The following ANK2 variants were observed in gnomAD, a reference collection of about 807,000 sequenced individuals.
ANK2 encodes ankyrin 2, also known as ankyrin-2.
In ANK2, 83 loss-of-function variants were observed where a neutral mutation model predicts 360.5. The ratio of observed to expected loss-of-function variants is 0.23; its 90% CI spans 0.19 to 0.28. The LOEUF is 0.28. Ranked by LOEUF, ANK2 falls within the 10% of genes least tolerant of loss-of-function variation. The pLI is 1.00. For synonymous variants in ANK2, 1,740 were observed against 1,759.5 expected, an observed-to-expected ratio of 0.99 and a Z score of 0.28; for missense variants, 4,201 against 4,795.7, an observed-to-expected ratio of 0.88 and a Z score of 3.66.
intron 2 of ANK2, among the ~76,000 whole-genome samples, chr4:112,988,466 C>T (rs2045676623): frequency 6.6e-6 from 1 of 152,024 alleles, no homozygotes; most frequent in Admixed American, 6.6e-5. Context: ...AAAGGATGAT[C>T]TGAAGAAATT....
At chr4:112,727,773 G>C in the ANK2 span, among the ~76,000 whole-genome samples, 1 of 152,152 alleles carries the variant, frequency 6.6e-6, no homozygotes, top group African/African-American at 2.4e-5. Flanking sequence ...GAGGTCGGGA[G>C]TTTGAGATCA....
chr4:112,809,570 T>A, the ANK2 span, among the ~76,000 whole-genome samples: 4 of 115,378 alleles, frequency 3.5e-5, no homozygotes, highest in Non-Finnish European at 5.1e-5. Context: ...AAAAAAAAAA[T>A]AAATCAATAA....
At chr4:113,219,467 A>G (rs1374318212) in intron 4 of ANK2, among the ~76,000 whole-genome samples, 2 of 152,010 alleles carry the variant, frequency 1.3e-5, no homozygotes, top group Non-Finnish European at 2.9e-5. Flanking sequence ...TAAACTTAAT[A>G]TTTCTATTGA....
chr4:113,239,548 G>C (rs144532896), intron 7 of ANK2, among the ~76,000 whole-genome samples: 141 of 152,154 alleles, frequency 9.3e-4, no homozygotes, highest in Admixed American at 2.4e-3. Flanking sequence ...GAAAATTCTG[G>C]AGAGTAAGAA....
chr4:113,175,251 A>G (rs1562624479), intron 2 of ANK2, among the ~76,000 whole-genome samples: 1 of 152,212 alleles, frequency 6.6e-6, no homozygotes, highest in African/African-American at 2.4e-5. Flanking sequence ...AAATGTCACT[A>G]CTGGATTCTA....
chr4:112,869,611 T>A (rs1406653565), intron 1 of ANK2, among the ~76,000 whole-genome samples: 2 of 152,226 alleles, frequency 1.3e-5, no homozygotes, highest in African/African-American at 4.8e-5. Context: ...TCTTTTGACA[T>A]ACAAATTTTT....
chr4:112,824,268 C>A (rs2149564040), intron 1 of ANK2, among the ~76,000 whole-genome samples: 1 of 152,084 alleles, frequency 6.6e-6, no homozygotes, highest in Non-Finnish European at 1.5e-5. Flanking sequence ...CAGTCTCGAA[C>A]TCTTGGCTTC....
chr4:112,781,882 T>C, the ANK2 span, among the ~76,000 whole-genome samples: 2,599 of 144,868 alleles, frequency 0.018, 93 homozygotes, highest in African/African-American at 0.061. Flanking sequence ...CAGGCTGGAG[T>C]GCAGTGGCGT....
intron 13 of ANK2, among the ~76,000 whole-genome samples, chr4:113,258,797 C>T (rs971315179): frequency 6.6e-6 from 1 of 152,150 alleles, no homozygotes; most frequent in African/African-American, 2.4e-5. Context: ...GTATTCCAGG[C>T]AATTTTCACA....
In ANK2 at chr4:113,305,272, G is replaced by A. The variant is rs1046318749; in HGVS notation, c.2548+2433G>A. Among the ~76,000 whole-genome samples, 151 of 144,190 alleles carry A rather than the reference G, an allele frequency of 1.0e-3. 1 individual carries two copies. Among genetic ancestry groups the A allele is most frequent in the Admixed American group, 5.4e-3 (77 of 14,272 alleles). 94.6% of individuals were successfully genotyped at this position (144,190 alleles called of 152,430 possible). ...GGAGAATGGCGTGAACCCGGGAGGCGGAGCTTGCAGTGAGCCGAGATCCCG... is the reference window on the plus strand; with the variant it reads ...GGAGAATGGCGTGAACCCGGGAGGCAGAGCTTGCAGTGAGCCGAGATCCCG... On this transcript the variant is annotated intron_variant, in intron 23 of 45. Transcript: ENST00000357077.
At chr4:112,854,934 G>A (rs1024386635) in intron 1 of ANK2, among the ~76,000 whole-genome samples, 1 of 151,960 alleles carries the variant, frequency 6.6e-6, no homozygotes, top group Non-Finnish European at 1.5e-5. Flanking sequence ...TTTTTCTTTT[G>A]ACTGGGTGTT....
intron 2 of ANK2, among the ~76,000 whole-genome samples, chr4:112,978,633 C>A (rs1167131199): frequency 1.3e-5 from 2 of 152,152 alleles, no homozygotes; most frequent in Admixed American, 6.5e-5. Context: ...GGTTTATCGA[C>A]CTTGTGGCAT....
At chr4:113,272,306 G>A (rs1000972063) in intron 14 of ANK2, among the ~76,000 whole-genome samples, 2 of 152,184 alleles carry the variant, frequency 1.3e-5, no homozygotes, top group Non-Finnish European at 2.9e-5. Context: ...TTTATGATGA[G>A]GGAATTGTTG....
intron 24 of ANK2, 98 bp downstream of exon 24, chr4:113,311,497 A>T: frequency 7.0e-7 from 1 of 1,431,456 alleles, no homozygotes; most frequent in South Asian, 1.2e-5. Flanking sequence ...TGAGCATTTA[A>T]TAGGTACCTT....
the ANK2 span, among the ~76,000 whole-genome samples, chr4:112,793,801 G>A: frequency 6.6e-6 from 1 of 151,222 alleles, no homozygotes; most frequent in Non-Finnish European, 1.5e-5. Flanking sequence ...TGCTTCCAAG[G>A]TTCAAATGAT....
At chr4:112,771,005 G>T in the ANK2 span, among the ~76,000 whole-genome samples, 1 of 152,228 alleles carries the variant, frequency 6.6e-6, no homozygotes, top group Non-Finnish European at 1.5e-5. Flanking sequence ...AATGCAGGGA[G>T]CACTGTGGGG....
At chr4:112,727,240 G>A in the ANK2 span, among the ~76,000 whole-genome samples, 1 of 151,940 alleles carries the variant, frequency 6.6e-6, no homozygotes, top group East Asian at 1.9e-4. Flanking sequence ...TTGACTAGAT[G>A]TATAGCCTTT....
At chr4:113,144,731 A>C in intron 1 of ANK2, among the ~76,000 whole-genome samples, 1 of 147,894 alleles carries the variant, frequency 6.8e-6, no homozygotes, top group East Asian at 1.9e-4. Flanking sequence ...AATTATATAT[A>C]ATAATATTTA....
At chr4:112,743,010 A>G in the ANK2 span, among the ~76,000 whole-genome samples, 9 of 152,302 alleles carry the variant, frequency 5.9e-5, no homozygotes, top group South Asian at 6.2e-4. Context: ...CAAGGCCCAA[A>G]TGTTGACTCT....
Sources: gnomAD v4.1 joint callset for allele counts (sites outside exome capture counted in the v4.1 genomes callset) on GRCh38, gnomAD v4.1.1 for gene constraint, MANE v1.5 for transcripts, NCBI Gene and HGNC (gene_info 2026-07-23, HGNC 2026-07-21) for gene names.